The following SLAIN1 variants were observed in gnomAD, a reference collection of about 807,000 sequenced individuals.
SLAIN1 encodes SLAIN family member 1.
SLAIN1 carries 17 observed loss-of-function variants against 55.4 expected under a neutral mutation model. That is an observed-to-expected ratio of 0.31 (90% CI 0.21 to 0.46). The LOEUF is 0.46. SLAIN1 is among the 20% of genes least tolerant of loss of function. The probability of loss-of-function intolerance (pLI) is 1.00; values close to 1 mark genes in which losing one functional copy is unlikely to be tolerated. For missense variants in SLAIN1, 682 were observed against 785.1 expected, an observed-to-expected ratio of 0.87 and a Z score of 1.57; for synonymous variants, 348 against 337.4, an observed-to-expected ratio of 1.03 and a Z score of -0.35.
At position 77,698,487 on chromosome 13, in the gene SLAIN1, T is replaced by A; in HGVS notation, c.574T>A (p.Leu192Met). 1 of 1,457,764 alleles carries A rather than the reference T, an allele frequency of 6.9e-7. No homozygotes were observed. The highest frequency in any genetic ancestry group is 1.3e-5 in the South Asian group (1 of 75,122). 90.3% of individuals were successfully genotyped at this position (1,457,764 alleles called of 1,614,324 possible). A position where few individuals can be genotyped will look rare whatever the true frequency, so the allele number is the denominator to read the frequency against. Reference sequence around the variant, plus strand: ...CCCCACGCTGCTGGACGAGGTGGAATTGCTGGATCTGGAGAGCGTAGCCGC... The same window carrying A: ...CCCCACGCTGCTGGACGAGGTGGAAATGCTGGATCTGGAGAGCGTAGCCGC... ...PPPTLLDEVE[L>M]LDLESVAAWR... Residue 192 changes from leucine (L) to methionine (M), a missense_variant, in exon 1 of 7, where the codon TTG becomes ATG. By Grantham distance (15) the Leu-to-Met change is conservative. This residue lies in a region of SLAIN1 where 401 missense variants were observed against 417.3 expected (regional missense o/e 0.96). Transcript: ENST00000418532. The surrounding 1 kb of genome is among the most constrained non-coding windows in gnomAD (Gnocchi z 4.1).
chr13:77,741,387 C>T, intron 2 of SLAIN1: 2 of 987,444 alleles, frequency 2.0e-6, no homozygotes, highest in Non-Finnish European at 2.4e-6. Context: ...AGAGAAGGAA[C>T]TGGAAGTGCA....
chr13:77,753,732 G>A (rs1223791618), intron 5 of SLAIN1, among the ~76,000 whole-genome samples: 1 of 152,128 alleles, frequency 6.6e-6, no homozygotes, highest in Non-Finnish European at 1.5e-5. Context: ...TACAAAAATT[G>A]TTTTCCTTGC....
intron 1 of SLAIN1, among the ~76,000 whole-genome samples, chr13:77,713,287 C>T (rs1279382): frequency 1.3e-5 from 2 of 151,860 alleles, no homozygotes; most frequent in African/African-American, 2.4e-5. Context: ...CCTGACAAAG[C>T]GCTAATATCC....
chr13:77,718,774 G>T lies in SLAIN1; in HGVS notation c.627-758G>T, dbSNP rs561500601. Among the ~76,000 whole-genome samples the T allele has an allele frequency of 2.3e-4, 35 of 152,098 alleles. 2 individuals are homozygous for T. In the South Asian group the frequency reaches 7.1e-3, roughly 31 times the overall value. ...TAGTTAACTGCTGTTTATTCCTCAAGATAAACCTTTCTGTATAGCCCTATC... is the reference window on the plus strand; with the variant it reads ...TAGTTAACTGCTGTTTATTCCTCAATATAAACCTTTCTGTATAGCCCTATC... On this transcript the variant is annotated intron_variant, in intron 1 of 6. Transcript: ENST00000418532.
intron 2 of SLAIN1, chr13:77,742,972 G>T: frequency 6.1e-6 from 7 of 1,141,124 alleles, no homozygotes; most frequent in Non-Finnish European, 6.6e-6. Context: ...GTCAACATAT[G>T]CTTCCATATA....
At chr13:77,751,868 C>T (rs191048033) in intron 4 of SLAIN1, among the ~76,000 whole-genome samples, 9 of 152,020 alleles carry the variant, frequency 5.9e-5, no homozygotes, top group Non-Finnish European at 2.9e-5. Context: ...GCTTAGTACT[C>T]GTATATATGC....
intron 2 of SLAIN1, among the ~76,000 whole-genome samples, chr13:77,720,732 G>C (rs1174292418): frequency 6.6e-6 from 1 of 152,118 alleles, no homozygotes; most frequent in Non-Finnish European, 1.5e-5. Flanking sequence ...TCAGAGCCAG[G>C]GTCTCTCTGA....
At chr13:77,712,383 A>G (rs1029911988) in intron 1 of SLAIN1, among the ~76,000 whole-genome samples, 4 of 152,218 alleles carry the variant, frequency 2.6e-5, no homozygotes, top group African/African-American at 9.7e-5. Context: ...TCAGGATACA[A>G]AATCAATGTG....
intron 1 of SLAIN1, among the ~76,000 whole-genome samples, chr13:77,710,447 C>G (rs923286122): frequency 6.6e-6 from 1 of 152,110 alleles, no homozygotes; most frequent in Non-Finnish European, 1.5e-5. Context: ...CAATCCTAGT[C>G]TCTGATAAAA....
intron 2 of SLAIN1, among the ~76,000 whole-genome samples, chr13:77,721,164 T>C (rs1041463670): frequency 2.0e-5 from 3 of 152,178 alleles, no homozygotes; most frequent in Non-Finnish European, 4.4e-5. Flanking sequence ...CATGCTGTTC[T>C]CATGATAGGG....
intron 2 of SLAIN1, among the ~76,000 whole-genome samples, chr13:77,731,831 C>T (rs1387646485): frequency 6.6e-6 from 1 of 151,968 alleles, no homozygotes; most frequent in African/African-American, 2.4e-5. Flanking sequence ...CAGATACCAA[C>T]AAGGCGATGA....
chr13:77,723,851 A>G (rs1146914), intron 2 of SLAIN1, among the ~76,000 whole-genome samples: 19,832 of 151,734 alleles, frequency 0.13, 2,339 homozygotes, highest in African/African-American at 0.32. Context: ...AGAATCGCCT[A>G]GATTGATGTT....
Position 77,763,491 on chromosome 13 carries a change from C to T in SLAIN1, c.*271C>T. The T allele has an allele frequency of 2.5e-6, 1 of 398,478 alleles. No homozygotes were observed. The highest frequency in any genetic ancestry group is 2.0e-5 in the African/African-American group (1 of 49,428). The allele number at this position is 398,478 out of a possible 1,614,324, so 24.7% of individuals were successfully genotyped here. A position where few individuals can be genotyped will look rare whatever the true frequency, so the allele number is the denominator to read the frequency against. ...TGTAGAACTGCTCTGTACCTGAATA[C>T]TTTTTGAGAGAATTAAGATGTATCA... On this transcript the variant is annotated 3_prime_UTR_variant, in exon 7 of 7. Transcript: ENST00000418532.
chr13:77,708,387 C>A (rs916661977), intron 1 of SLAIN1, among the ~76,000 whole-genome samples: 1 of 152,156 alleles, frequency 6.6e-6, no homozygotes, highest in Admixed American at 6.5e-5. Context: ...AGGTAACAGG[C>A]AGAGCCGTGC....
intron 1 of SLAIN1, among the ~76,000 whole-genome samples, chr13:77,704,967 G>T (rs12431311): frequency 1.9e-5 from 1 of 51,402 alleles, no homozygotes; most frequent in African/African-American, 7.1e-5. Flanking sequence ...TGTATATACA[G>T]AGGTTTTATA....
At chr13:77,717,549 GA>G (rs201998643) in intron 1 of SLAIN1, among the ~76,000 whole-genome samples, 2,048 of 152,148 alleles carry the variant, frequency 0.013, 43 homozygotes, top group East Asian at 0.019. Flanking sequence ...TTTCCTGTAG[GA>G]AGCATATAAT....
intron 1 of SLAIN1, among the ~76,000 whole-genome samples, chr13:77,713,572 G>A (rs894787849): frequency 1.3e-5 from 2 of 152,206 alleles, no homozygotes; most frequent in Non-Finnish European, 2.9e-5. Flanking sequence ...CACTGTTGGT[G>A]GGAGTGTAAA....
chr13:77,716,080 T>C (rs2091203870), intron 1 of SLAIN1, among the ~76,000 whole-genome samples: 1 of 152,072 alleles, frequency 6.6e-6, no homozygotes, highest in African/African-American at 2.4e-5. Context: ...TGCTCTATTT[T>C]GAGTTAGTTT....
At chr13:77,699,041 T>C in intron 1 of SLAIN1, 1 of 1,535,532 alleles carries the variant, frequency 6.5e-7, no homozygotes, top group East Asian at 2.4e-5. Context: ...CAGTGATGGA[T>C]CTCTCTTTAT....
Sources: allele counts gnomAD v4.1 joint callset (sites outside exome capture counted in the v4.1 genomes callset), GRCh38; gene constraint gnomAD v4.1.1; regional missense constraint gnomAD v4.1.1; non-coding constraint Gnocchi (gnomAD v3.1); transcripts MANE v1.5; gene names NCBI Gene and HGNC (gene_info 2026-07-23, HGNC 2026-07-21).